AJAP1: variants seen among roughly 807,000 people sequenced by gnomAD.
The protein encoded by AJAP1 is adherens junctions associated protein 1, also known as adherens junction-associated protein 1.
Under a neutral mutation model 35.0 loss-of-function variants are expected in AJAP1, and 5 were observed. The observed-to-expected ratio is 0.14, with a 90% CI of 0.07 to 0.30. The LOEUF (loss-of-function observed/expected upper bound fraction) is 0.30, where lower values mean the gene tolerates loss of function less well. Ranked by LOEUF, AJAP1 falls within the 10% of genes least tolerant of loss-of-function variation. The probability of loss-of-function intolerance (pLI) is 1.00; values close to 1 mark genes in which losing one functional copy is unlikely to be tolerated. For missense variants in AJAP1, 586 were observed against 571.0 expected (o/e 1.03, Z -0.27); for synonymous variants, 284 against 249.3 (o/e 1.14, Z -1.31).
chr1:4,701,749 G>T (rs1465770271), intron 1 of AJAP1, among the ~76,000 whole-genome samples: 1 of 152,200 alleles, frequency 6.6e-6, no homozygotes, highest in Non-Finnish European at 1.5e-5. Context: ...AATGGTCTGT[G>T]GTACCACAGG....
chr1:4,771,476 C>T (rs915395227), intron 3 of AJAP1, among the ~76,000 whole-genome samples: 2 of 152,162 alleles, frequency 1.3e-5, no homozygotes, highest in Non-Finnish European at 2.9e-5. Context: ...GCCCCCAATG[C>T]GGGGAGACGT....
intron 2 of AJAP1, among the ~76,000 whole-genome samples, chr1:4,758,610 AC>A (rs1167240549): frequency 6.6e-6 from 1 of 151,880 alleles, no homozygotes; most frequent in Non-Finnish European, 1.5e-5. Context: ...TGATTCAATT[AC>A]CCCCACTTGG....
rs1282444696 is a variant in AJAP1, at chr1:4,723,282, C to T, written c.829+10583C>T. Among the ~76,000 whole-genome samples, 5 of 152,210 alleles carry T rather than the reference C, an allele frequency of 3.3e-5. No homozygotes were observed. Among genetic ancestry groups the T allele is most frequent in the African/African-American group, 9.7e-5 (4 of 41,450 alleles). On this transcript the variant is annotated intron_variant, in intron 2 of 5. Transcript: ENST00000378191. The surrounding 1 kb of genome is among the most constrained non-coding windows in gnomAD (Gnocchi z 4.3). ...TGTGACATCCAGCCACCCTGGCGGC[C>T]GTCCAAGGGGAGCGCCTGTGGATAC...
rs550800507 is a variant in AJAP1, at chr1:4,733,670, C to A, written c.829+20971C>A. Among the ~76,000 whole-genome samples the A allele has an allele frequency of 2.2e-4, 33 of 151,998 alleles. No homozygotes were observed. The South Asian group carries it at 6.7e-3, about 31-fold the overall frequency. On this transcript the variant is annotated intron_variant, in intron 2 of 5. Transcript: ENST00000378191. Reference sequence around the variant, plus strand: ...TCCGAGCGCGGGAAATCCCAGCGGGCCGGCCTTGGGAGGATTCGGTTCATC... The same window carrying A: ...TCCGAGCGCGGGAAATCCCAGCGGGACGGCCTTGGGAGGATTCGGTTCATC...
intron 1 of AJAP1, among the ~76,000 whole-genome samples, chr1:4,695,107 G>A (rs897923921): frequency 6.6e-6 from 1 of 152,176 alleles, no homozygotes; most frequent in Admixed American, 6.5e-5. Flanking sequence ...TTGGGAGAGG[G>A]TGCTGTGGGC....
chr1:4,666,231 C>G (rs898433909), intron 1 of AJAP1, among the ~76,000 whole-genome samples: 30 of 151,980 alleles, frequency 2.0e-4, no homozygotes, highest in Non-Finnish European at 4.1e-4. Context: ...AGTGAAATAG[C>G]CCACTGAGGC....
chr1:4,658,155 G>A (rs754565190), intron 1 of AJAP1, among the ~76,000 whole-genome samples: 8 of 152,172 alleles, frequency 5.3e-5, no homozygotes, highest in Non-Finnish European at 1.2e-4. Flanking sequence ...GGGGCTCCGA[G>A]CGTCCACCTA....
At chr1:4,752,146 G>A (rs1641333024) in intron 2 of AJAP1, among the ~76,000 whole-genome samples, 1 of 151,740 alleles carries the variant, frequency 6.6e-6, no homozygotes, top group Admixed American at 6.6e-5. Flanking sequence ...GAGGAACAGA[G>A]GGAGGGGAGG....
chr1:4,742,053 C>T (rs146305490), intron 2 of AJAP1, among the ~76,000 whole-genome samples: 6 of 152,220 alleles, frequency 3.9e-5, no homozygotes, highest in Admixed American at 2.6e-4. Flanking sequence ...TTGAAACCAT[C>T]ATAGTAATGA....
At chr1:4,669,158 G>C (rs1639197647) in intron 1 of AJAP1, among the ~76,000 whole-genome samples, 1 of 152,154 alleles carries the variant, frequency 6.6e-6, no homozygotes, top group Non-Finnish European at 1.5e-5. Flanking sequence ...CCATTCTTTA[G>C]TTCCAAGACC....
intron 2 of AJAP1, among the ~76,000 whole-genome samples, chr1:4,752,003 G>A (rs1334238601): frequency 6.6e-6 from 1 of 152,192 alleles, no homozygotes; most frequent in Non-Finnish European, 1.5e-5. Context: ...CTGGCTGGAT[G>A]GTAATAGTGG....
chr1:4,765,398 A>T (rs1381741611), intron 2 of AJAP1, among the ~76,000 whole-genome samples: 14 of 152,104 alleles, frequency 9.2e-5, no homozygotes, highest in Admixed American at 9.2e-4. Context: ...TTTATGGGAC[A>T]GGTGTTCCTG....
At chr1:4,778,722 G>T (rs531261083) in intron 5 of AJAP1, among the ~76,000 whole-genome samples, 1 of 152,094 alleles carries the variant, frequency 6.6e-6, no homozygotes, top group Non-Finnish European at 1.5e-5. Context: ...TGCATAGCCG[G>T]GGATGTCTGG....
intron 1 of AJAP1, among the ~76,000 whole-genome samples, chr1:4,703,635 T>C (rs1640036028): frequency 2.0e-5 from 3 of 152,134 alleles, no homozygotes; most frequent in African/African-American, 7.2e-5. Flanking sequence ...TCACATCTTA[T>C]CAGCGAGCGG....
At chr1:4,685,032 G>A (rs1234123972) in intron 1 of AJAP1, among the ~76,000 whole-genome samples, 1 of 152,162 alleles carries the variant, frequency 6.6e-6, no homozygotes, top group African/African-American at 2.4e-5. Context: ...CCCTCCTGCT[G>A]CTGGAGTTTC....
At chr1:4,698,567 C>A (rs541006260) in intron 1 of AJAP1, among the ~76,000 whole-genome samples, 1 of 152,164 alleles carries the variant, frequency 6.6e-6, no homozygotes, top group African/African-American at 2.4e-5. Flanking sequence ...CTCAGAAGAA[C>A]CTTCAAGGTC....
chr1:4,776,689 C>T (rs1429222400), intron 5 of AJAP1, among the ~76,000 whole-genome samples: 2 of 152,226 alleles, frequency 1.3e-5, no homozygotes, highest in Non-Finnish European at 2.9e-5. Flanking sequence ...TGTTGGTGGG[C>T]TAGCCCTGTG....
intron 1 of AJAP1, among the ~76,000 whole-genome samples, chr1:4,694,420 T>C (rs562138943): frequency 6.6e-6 from 1 of 152,328 alleles, no homozygotes; most frequent in Admixed American, 6.5e-5. Flanking sequence ...CATTCATTCA[T>C]TCAGTCTCTC....
chr1:4,723,635 G>A lies in AJAP1; in HGVS notation c.829+10936G>A, dbSNP rs888387042. The stretch of plus-strand genomic sequence containing the variant: ...GTGGTGAGGGGAGAGTCCTGCGAGG[G>A]CGATGGAAGGGAGACGGGAGGTGAG... On this transcript the variant is annotated intron_variant, in intron 2 of 5. Transcript: ENST00000378191. The surrounding 1 kb of genome is among the most constrained non-coding windows in gnomAD (Gnocchi z 4.3). Among the ~76,000 whole-genome samples, 2 of 152,186 alleles carry A rather than the reference G, an allele frequency of 1.3e-5. No individual in the cohort carries two copies. The highest frequency in any genetic ancestry group is 4.8e-5 in the African/African-American group (2 of 41,448).
Sources: gnomAD v4.1 joint callset for allele counts (sites outside exome capture counted in the v4.1 genomes callset) on GRCh38, gnomAD v4.1.1 for gene constraint, Gnocchi (gnomAD v3.1) non-coding constraint, MANE v1.5 for transcripts, NCBI Gene and HGNC (gene_info 2026-07-23, HGNC 2026-07-21) for gene names.